The following PPARG variants were observed in gnomAD, a reference collection of about 807,000 sequenced individuals.
The protein encoded by PPARG is peroxisome proliferator-activated receptor gamma.
A neutral mutation model predicts 39.2 loss-of-function variants in PPARG; 17 were observed. That is an observed-to-expected ratio of 0.43 (90% CI 0.30 to 0.65). The LOEUF is 0.65. PPARG is among the 30% of genes least tolerant of loss of function. PPARG has a pLI of 0.13. For synonymous variants in PPARG, 223 were observed against 215.7 expected (o/e 1.03, Z -0.30); for missense variants, 406 against 585.9 (o/e 0.69, Z 3.17).
At chr3:12,301,080 A>G (rs188079451) in intron 1 of PPARG, among the ~76,000 whole-genome samples, 77 of 152,352 alleles carry the variant, frequency 5.1e-4, no homozygotes, top group Non-Finnish European at 9.6e-4. Context: ...ATGCCAGGAG[A>G]AATTTCCATT....
At chr3:12,378,812 A>G (rs1376611259) in intron 2 of PPARG, among the ~76,000 whole-genome samples, 1 of 152,138 alleles carries the variant, frequency 6.6e-6, no homozygotes, top group East Asian at 1.9e-4. Flanking sequence ...TATATTTGAA[A>G]TTTGCTAAGA....
chr3:12,372,612 G>GCTTTT (rs1233935966), intron 2 of PPARG, among the ~76,000 whole-genome samples: 1 of 152,114 alleles, frequency 6.6e-6, no homozygotes, highest in Non-Finnish European at 1.5e-5. Context: ...TCTAATCATA[G>GCTTTT]CTTTTCTTTT....
At chr3:12,431,755 C>T (rs181035446) in intron 7 of PPARG, among the ~76,000 whole-genome samples, 57 of 152,046 alleles carry the variant, frequency 3.7e-4, no homozygotes, top group African/African-American at 1.2e-3. Context: ...GCCTGGGCTA[C>T]GTAGCAAGAC....
At chr3:12,371,237 G>A (rs1333181852) in intron 2 of PPARG, among the ~76,000 whole-genome samples, 1 of 152,098 alleles carries the variant, frequency 6.6e-6, no homozygotes, top group Non-Finnish European at 1.5e-5. Flanking sequence ...TAGATATGAA[G>A]AGATACGAAC....
At chr3:12,306,645 C>T (rs1474611619) in intron 1 of PPARG, among the ~76,000 whole-genome samples, 1 of 152,190 alleles carries the variant, frequency 6.6e-6, no homozygotes, top group Non-Finnish European at 1.5e-5. Context: ...TCACATGTAA[C>T]AGTGGATTAA....
chr3:12,402,639 TCC>T (rs1396825979), intron 5 of PPARG, among the ~76,000 whole-genome samples: 1 of 152,138 alleles, frequency 6.6e-6, no homozygotes, highest in East Asian at 1.9e-4. Context: ...TTATAAACTG[TCC>T]CAAACCCCAG....
chr3:12,325,873 G>A (rs1574993878), intron 2 of PPARG, among the ~76,000 whole-genome samples: 1 of 152,040 alleles, frequency 6.6e-6, no homozygotes, highest in South Asian at 2.1e-4. Flanking sequence ...AATAAGTTTT[G>A]TAGTTACTTA....
At chr3:12,321,817 G>A (rs2047554536) in intron 2 of PPARG, among the ~76,000 whole-genome samples, 1 of 152,094 alleles carries the variant, frequency 6.6e-6, no homozygotes, top group Non-Finnish European at 1.5e-5. Flanking sequence ...TACTATTGTT[G>A]ATTCAACATT....
intron 2 of PPARG, among the ~76,000 whole-genome samples, chr3:12,370,793 A>G (rs1318067492): frequency 6.6e-6 from 1 of 152,246 alleles, no homozygotes; most frequent in Non-Finnish European, 1.5e-5. Flanking sequence ...TTTTAAAGGA[A>G]CATTATTAAC....
chr3:12,328,215 C>T (rs1162862998), intron 2 of PPARG: 29 of 1,500,728 alleles, frequency 1.9e-5, no homozygotes, highest in African/African-American at 5.5e-5. Flanking sequence ...CTACCTGGAG[C>T]GGAGCGTTAA....
chr3:12,399,736 C>T (rs952203623), intron 5 of PPARG, among the ~76,000 whole-genome samples: 3 of 150,126 alleles, frequency 2.0e-5, no homozygotes, highest in Non-Finnish European at 4.4e-5. Flanking sequence ...GGTGTAGTGG[C>T]TCATACCTGC....
intron 2 of PPARG, chr3:12,351,717 T>C: frequency 6.8e-7 from 1 of 1,474,600 alleles, no homozygotes; most frequent in Non-Finnish European, 9.5e-7. Flanking sequence ...CGTGGGGGCA[T>C]TTATGTAAGG....
At chr3:12,374,362 G>A (rs2049330072) in intron 2 of PPARG, among the ~76,000 whole-genome samples, 1 of 152,186 alleles carries the variant, frequency 6.6e-6, no homozygotes, top group Admixed American at 6.5e-5. Context: ...ACTTTGGGAG[G>A]CAGAGGCAGG....
At chr3:12,328,337 T>C in intron 2 of PPARG, 1 of 817,778 alleles carries the variant, frequency 1.2e-6, no homozygotes, top group South Asian at 1.5e-5. Context: ...GGCAGAGGAG[T>C]CTCTGCAGGG....
intron 2 of PPARG, chr3:12,351,354 A>T (rs1295190505): frequency 3.4e-6 from 2 of 580,752 alleles, no homozygotes; most frequent in African/African-American, 3.7e-5. Context: ...AGCAGTGAAC[A>T]TTATGACACA....
chr3:12,342,755 T>C (rs2048218938), intron 2 of PPARG, among the ~76,000 whole-genome samples: 1 of 152,022 alleles, frequency 6.6e-6, no homozygotes, highest in African/African-American at 2.4e-5. Context: ...TTCTAATTTT[T>C]AACAATGAAC....
chr3:12,357,491 C>G lies in PPARG; in HGVS notation c.-8-22213C>G. 1.3e-5 allele frequency among the ~76,000 whole-genome samples: 2 copies of G among 152,156 alleles called. 1 individual carries two copies. The highest frequency in any genetic ancestry group is 2.9e-5 in the Non-Finnish European group (2 of 68,026). On this transcript the variant is annotated intron_variant, in intron 2 of 7. Transcript: ENST00000651735. The stretch of plus-strand genomic sequence containing the variant: ...TAGAGTGAGGGTGACCTTGGCCTTC[C>G]CTATCCTAGGACAGGGGAATTACAT...
intron 6 of PPARG, among the ~76,000 whole-genome samples, chr3:12,411,375 C>A (rs1559530955): frequency 6.6e-6 from 1 of 152,184 alleles, no homozygotes; most frequent in East Asian, 1.9e-4. Flanking sequence ...CTAAACCCTG[C>A]AGGAAAGCAG....
At chr3:12,419,165 G>C (rs997838552) in intron 7 of PPARG, among the ~76,000 whole-genome samples, 3 of 151,964 alleles carry the variant, frequency 2.0e-5, no homozygotes, top group African/African-American at 7.3e-5. Context: ...GGCTGGTCTC[G>C]AACTCCTGAC....
Sources: gnomAD v4.1 joint callset for allele counts (sites outside exome capture counted in the v4.1 genomes callset) on GRCh38, gnomAD v4.1.1 for gene constraint, MANE v1.5 for transcripts, NCBI Gene and HGNC (gene_info 2026-07-23, HGNC 2026-07-21) for gene names.